Variants in WAPL observed in about 807,000 individuals in gnomAD.
WAPL encodes the protein WAPL cohesin release factor, also known as wings apart-like protein homolog.
Under a neutral mutation model 121.0 loss-of-function variants are expected in WAPL, and 5 were observed. The observed-to-expected ratio is 0.04, with a 90% CI of 0.02 to 0.09. The LOEUF is 0.09. Among genes scored for constraint, WAPL ranks in the 10% least tolerant of loss-of-function variants. The pLI is 1.00. For missense variants in WAPL, 999 were observed against 1,410.8 expected (o/e 0.71, Z 4.68); for synonymous variants, 480 against 481.5 (o/e 1.00, Z 0.04).
At chr10:86,477,654 T>A (rs1019086298) in intron 4 of WAPL, among the ~76,000 whole-genome samples, 6 of 151,916 alleles carry the variant, frequency 3.9e-5, no homozygotes, top group Admixed American at 6.6e-5. Context: ...TACAAAAAAT[T>A]AGCCAGGTGT....
At chr10:86,467,996 G>A (rs553955831) in intron 8 of WAPL, among the ~76,000 whole-genome samples, 2 of 151,194 alleles carry the variant, frequency 1.3e-5, no homozygotes, top group South Asian at 4.2e-4. Context: ...AAAATATTCT[G>A]AAGAAACATG....
intron 4 of WAPL, among the ~76,000 whole-genome samples, chr10:86,493,767 C>G (rs1383100771): frequency 6.6e-6 from 1 of 151,700 alleles, no homozygotes. Context: ...TTTGGGAGGC[C>G]AAAGCAGGTG....
chr10:86,513,941 CTA>C (rs1401421500), intron 2 of WAPL, among the ~76,000 whole-genome samples: 1 of 152,154 alleles, frequency 6.6e-6, no homozygotes, highest in Non-Finnish European at 1.5e-5. Flanking sequence ...CAAAAGACTG[CTA>C]AGATTTCTGA....
At chr10:86,519,423 T>C (rs767576622) in intron 1 of WAPL, among the ~76,000 whole-genome samples, 1 of 152,264 alleles carries the variant, frequency 6.6e-6, no homozygotes, top group African/African-American at 2.4e-5. Context: ...TACACTTGTT[T>C]TCCCTTGATT....
chr10:86,515,588 G>T (rs1842539209), intron 2 of WAPL, among the ~76,000 whole-genome samples: 1 of 151,932 alleles, frequency 6.6e-6, no homozygotes, highest in Non-Finnish European at 1.5e-5. Flanking sequence ...TTTGAGACTA[G>T]CCTGGCCAAC....
At chr10:86,447,064 C>T (rs989695223) in intron 15 of WAPL, among the ~76,000 whole-genome samples, 1 of 152,182 alleles carries the variant, frequency 6.6e-6, no homozygotes, top group South Asian at 2.1e-4. Context: ...AAGACCCTAT[C>T]AGGGAGTAAA....
intron 14 of WAPL, 54 bp from the exon 15 acceptor site, chr10:86,452,185 G>A: frequency 7.2e-6 from 11 of 1,523,452 alleles, no homozygotes; most frequent in South Asian, 6.3e-5. Flanking sequence ...TAAAACAAAT[G>A]AACACAATAT....
intron 14 of WAPL, among the ~76,000 whole-genome samples, chr10:86,452,582 T>A (rs1016975984): frequency 6.6e-6 from 1 of 150,884 alleles, no homozygotes; most frequent in Non-Finnish European, 1.5e-5. Flanking sequence ...AGAGAGTGAG[T>A]GAGACTCCAT....
At chr10:86,481,216 A>G (rs1841775667) in intron 4 of WAPL, among the ~76,000 whole-genome samples, 1 of 152,212 alleles carries the variant, frequency 6.6e-6, no homozygotes, top group African/African-American at 2.4e-5. Flanking sequence ...GAAGACAGAA[A>G]CTAAAGAAAA....
In WAPL at chr10:86,483,784, AT is replaced by A. The variant is rs68056280; in HGVS notation, c.1645-9812del. On this transcript the variant is annotated intron_variant, in intron 4 of 18. Transcript: ENST00000298767. The stretch of plus-strand genomic sequence containing the variant: ...AAGTTTTTAACAAAAAAAAAAAAAA[AT>A]TTTTTTTTCTTTTTTTTTTTTTTTT... Among the ~76,000 whole-genome samples, 589 of 131,418 alleles carry A rather than the reference AT, an allele frequency of 4.5e-3. 5 individuals are homozygous for A. The highest frequency in any genetic ancestry group is 0.016 in the African/African-American group (567 of 34,780). 86.2% of individuals were successfully genotyped at this position (131,418 alleles called of 152,430 possible).
intron 4 of WAPL, among the ~76,000 whole-genome samples, chr10:86,496,371 G>T (rs1423362171): frequency 6.6e-6 from 1 of 152,074 alleles, no homozygotes; most frequent in Admixed American, 6.6e-5. Flanking sequence ...CAACCACAGA[G>T]AACAGTTTGG....
At chr10:86,453,526 C>G in intron 13 of WAPL, 130 bp downstream of exon 13, 1 of 1,245,296 alleles carries the variant, frequency 8.0e-7, no homozygotes, top group Admixed American at 2.8e-5. Context: ...TTTAAACCTA[C>G]ACATGAGTAA....
intron 1 of WAPL, among the ~76,000 whole-genome samples, chr10:86,518,968 G>C (rs1466559624): frequency 6.6e-6 from 1 of 152,124 alleles, no homozygotes; most frequent in Non-Finnish European, 1.5e-5. Flanking sequence ...GCCTTGTCCC[G>C]ATAGTGCTGT....
intron 4 of WAPL, among the ~76,000 whole-genome samples, chr10:86,496,330 T>G (rs1198579970): frequency 5.3e-5 from 8 of 152,266 alleles, no homozygotes; most frequent in African/African-American, 1.9e-4. Flanking sequence ...GGCCCTCATA[T>G]GTTGCTGGTA....
chr10:86,490,346 C>A (rs903882274), intron 4 of WAPL, among the ~76,000 whole-genome samples: 3 of 152,030 alleles, frequency 2.0e-5, no homozygotes, highest in African/African-American at 7.3e-5. Context: ...ACTTTGCATC[C>A]ATCAACAGTA....
intron 5 of WAPL, among the ~76,000 whole-genome samples, chr10:86,473,120 C>T (rs765456991): frequency 1.3e-4 from 20 of 152,202 alleles, no homozygotes; most frequent in African/African-American, 4.6e-4. Flanking sequence ...AAAAACCAGA[C>T]AGAGTCAAAA....
At chr10:86,463,854 T>C (rs1312071173) in intron 9 of WAPL, among the ~76,000 whole-genome samples, 1 of 152,240 alleles carries the variant, frequency 6.6e-6, no homozygotes, top group Non-Finnish European at 1.5e-5. Context: ...CACCATTGTG[T>C]TCCAACTGCC....
chr10:86,480,641 A>G (rs916423121), intron 4 of WAPL, among the ~76,000 whole-genome samples: 30 of 3,540 alleles, frequency 8.5e-3, no homozygotes, highest in African/African-American at 0.023. Context: ...ATCTTGAGAC[A>G]ACACCACCTG....
At position 86,517,535 on chromosome 10, in the gene WAPL, C is replaced by T. The variant is rs755191355; in HGVS notation, c.499+36G>A. The T allele has an allele frequency of 1.5e-5, 23 of 1,550,060 alleles. No homozygotes were observed. In the East Asian group the frequency reaches 5.0e-4, roughly 33 times the overall value. ...ATTTAAATAAATTGGTTGCACAAAG[C>T]TCTCTTGGCGGAGAATAAAGAAAAT... On this transcript the variant is annotated intron_variant, in intron 2 of 18. Transcript: ENST00000298767.
Sources: allele counts gnomAD v4.1 joint callset (sites outside exome capture counted in the v4.1 genomes callset), GRCh38; gene constraint gnomAD v4.1.1; transcripts MANE v1.5; gene names NCBI Gene and HGNC (gene_info 2026-07-23, HGNC 2026-07-21).